ZNF280C: variants seen among roughly 807,000 people sequenced by gnomAD.
The protein encoded by ZNF280C is suppressor of hairy wing homolog 3.
ZNF280C carries 14 observed loss-of-function variants against 53.6 expected under a neutral mutation model. The ratio of observed to expected loss-of-function variants is 0.26; its 90% CI spans 0.17 to 0.41. The LOEUF (loss-of-function observed/expected upper bound fraction) is 0.41. ZNF280C is among the 10% of genes least tolerant of loss of function. The probability of loss-of-function intolerance (pLI) is 1.00; values close to 1 mark genes in which losing one functional copy is unlikely to be tolerated. For missense variants in ZNF280C, 416 were observed against 547.1 expected, an observed-to-expected ratio of 0.76 and a Z score of 2.39; for synonymous variants, 203 against 181.1, an observed-to-expected ratio of 1.12 and a Z score of -0.97.
chrX:130,239,727 C>CTAT (rs2032369282), intron 5 of ZNF280C, 34 bp from the exon 6 acceptor site: 2 of 856,953 alleles, frequency 2.3e-6, no homozygotes, highest in African/African-American at 4.0e-5. Flanking sequence ...GTTTCATAAA[C>CTAT]TTTTATAGAG....
At chrX:130,231,187 G>C (rs1005634630) in intron 8 of ZNF280C, among the ~76,000 whole-genome samples, 1 of 111,481 alleles carries the variant, frequency 9.0e-6, no homozygotes. Flanking sequence ...ACTACCATTT[G>C]ACCCAGCAAT....
intron 2 of ZNF280C, among the ~76,000 whole-genome samples, chrX:130,251,680 C>G (rs868279811): frequency 9.1e-6 from 1 of 110,053 alleles, no homozygotes; most frequent in Non-Finnish European, 1.9e-5. Context: ...ATGAGAATCT[C>G]TGGAACCCAG....
chrX:130,222,632 T>C (rs1010758822), intron 12 of ZNF280C, among the ~76,000 whole-genome samples: 2 of 112,399 alleles, frequency 1.8e-5, no homozygotes, highest in African/African-American at 6.5e-5. Flanking sequence ...CTTATGTATG[T>C]ATGCTTGCAT....
intron 2 of ZNF280C, 109 bp from the exon 3 acceptor site, chrX:130,247,114 TA>T: frequency 1.3e-6 from 1 of 781,897 alleles, no homozygotes; most frequent in Non-Finnish European, 1.8e-6. Context: ...TAATAGCAAT[TA>T]CTGACTTGAT....
intron 2 of ZNF280C, among the ~76,000 whole-genome samples, chrX:130,251,469 G>A (rs1407915222): frequency 9.0e-6 from 1 of 110,899 alleles, no homozygotes; most frequent in African/African-American, 3.3e-5. Flanking sequence ...CAGCTGTGCA[G>A]TAGGTCTACA....
intron 5 of ZNF280C, among the ~76,000 whole-genome samples, chrX:130,240,773 G>T (rs1408588385): frequency 1.8e-5 from 2 of 111,764 alleles, no homozygotes; most frequent in Non-Finnish European, 3.8e-5. Context: ...GATAACAAAT[G>T]TAACAGTAAG....
At chrX:130,236,418 C>A in intron 7 of ZNF280C, 51 bp downstream of exon 7, 1 of 1,122,636 alleles carries the variant, frequency 8.9e-7, no homozygotes, top group Admixed American at 2.8e-5. Flanking sequence ...ATTTCTAAAA[C>A]GTATATAAAA....
intron 2 of ZNF280C, among the ~76,000 whole-genome samples, chrX:130,255,233 C>T (rs1255568087): frequency 5.0e-5 from 5 of 100,082 alleles, no homozygotes; most frequent in Admixed American, 1.1e-4. Context: ...CTCCGCCTCC[C>T]GGGTTCACGC....
intron 3 of ZNF280C, 22 bp from the exon 4 acceptor site, chrX:130,243,887 A>G (rs2032421153): frequency 1.0e-6 from 1 of 1,002,359 alleles, no homozygotes; most frequent in South Asian, 2.5e-5. Flanking sequence ...TATTTATTTT[A>G]AAATTTGTTA....
chrX:130,223,705 C>T lies in ZNF280C; in HGVS notation c.1395+3054G>A, dbSNP rs761200289. ...GATATTTAACACATGTGGAGTCTTTCGTCCTTTGTTAAAAAATGTATAAAC... is the reference window on the plus strand; with the variant it reads ...GATATTTAACACATGTGGAGTCTTTTGTCCTTTGTTAAAAAATGTATAAAC... On this transcript the variant is annotated intron_variant, in intron 12 of 18. Transcript: ENST00000370978. Among the ~76,000 whole-genome samples the T allele has an allele frequency of 2.7e-5, 3 of 111,879 alleles. No individual in the cohort carries two copies. In the South Asian group the frequency reaches 1.1e-3, roughly 42 times the overall value.
intron 2 of ZNF280C, among the ~76,000 whole-genome samples, chrX:130,247,297 T>C (rs1385893421): frequency 9.0e-6 from 1 of 110,911 alleles, no homozygotes; most frequent in Non-Finnish European, 1.9e-5. Context: ...TTCGTAGGGA[T>C]GGGTTTCACC....
intron 13 of ZNF280C, among the ~76,000 whole-genome samples, chrX:130,218,531 C>G: frequency 8.9e-6 from 1 of 112,571 alleles, no homozygotes; most frequent in Middle Eastern, 4.6e-3. Flanking sequence ...TTTGATTACA[C>G]TCCCCCCATG....
At chrX:130,229,506 C>T (rs187949123) in intron 9 of ZNF280C, among the ~76,000 whole-genome samples, 103 of 111,865 alleles carry the variant, frequency 9.2e-4, no homozygotes, top group Non-Finnish European at 9.0e-4. Flanking sequence ...AGGATGGAAA[C>T]TCTACCACCA....
chrX:130,248,314 C>T (rs768467144), intron 2 of ZNF280C, among the ~76,000 whole-genome samples: 15 of 107,897 alleles, frequency 1.4e-4, no homozygotes, highest in South Asian at 8.3e-4. Flanking sequence ...CCAATGACTA[C>T]GGGGGAATGG....
intron 2 of ZNF280C, among the ~76,000 whole-genome samples, chrX:130,252,410 AC>A (rs777429390): frequency 1.8e-5 from 2 of 110,763 alleles, no homozygotes; most frequent in East Asian, 5.7e-4. Flanking sequence ...AAAATTCAAC[AC>A]CCCTTCGTGT....
chrX:130,254,940 C>A (rs1457640084), intron 2 of ZNF280C, among the ~76,000 whole-genome samples: 2 of 106,678 alleles, frequency 1.9e-5, no homozygotes, highest in Admixed American at 2.0e-4. Flanking sequence ...ACAGATAATA[C>A]AGAGCAAGAG....
chrX:130,217,103 G>C (rs1369943369), intron 13 of ZNF280C, among the ~76,000 whole-genome samples: 1 of 112,113 alleles, frequency 8.9e-6, no homozygotes, highest in Non-Finnish European at 1.9e-5. Flanking sequence ...TCTACTCAGA[G>C]GTATATACCC....
At chrX:130,220,290 AAC>A in intron 13 of ZNF280C, 57 bp downstream of exon 13, 2 of 1,028,072 alleles carry the variant, frequency 1.9e-6, no homozygotes, top group Non-Finnish European at 1.3e-6. Context: ...TAAAAAAAAA[AAC>A]ATAAAAAAAT....
chrX:130,221,762 G>C (rs775042608), intron 12 of ZNF280C, among the ~76,000 whole-genome samples: 2 of 111,243 alleles, frequency 1.8e-5, no homozygotes, highest in African/African-American at 6.5e-5. Flanking sequence ...CCACTTACGC[G>C]GACTCTTGCA....
Sources: allele counts gnomAD v4.1 joint callset (sites outside exome capture counted in the v4.1 genomes callset), GRCh38; gene constraint gnomAD v4.1.1; transcripts MANE v1.5; gene names NCBI Gene and HGNC (gene_info 2026-07-23, HGNC 2026-07-21).